BFAR: variants seen among roughly 807,000 people sequenced by gnomAD.
BFAR encodes bifunctional apoptosis regulator, also known as RING finger protein 47.
A neutral mutation model predicts 54.4 loss-of-function variants in BFAR; 52 were observed. The ratio of observed to expected loss-of-function variants is 0.96; its 90% CI spans 0.77 to 1.21. The LOEUF (loss-of-function observed/expected upper bound fraction) is 1.21, where lower values mean the gene tolerates loss of function less well. BFAR is among the 50% of genes most tolerant of loss of function. The pLI, the probability that BFAR is intolerant of heterozygous loss-of-function variation, is 0.00. For missense variants in BFAR, 571 were observed against 534.0 expected, an observed-to-expected ratio of 1.07 and a Z score of -0.68; for synonymous variants, 215 against 204.3, an observed-to-expected ratio of 1.05 and a Z score of -0.45.
chr16:14,641,104 C>G (rs1434258653), intron 1 of BFAR, among the ~76,000 whole-genome samples: 1 of 152,174 alleles, frequency 6.6e-6, no homozygotes, highest in Non-Finnish European at 1.5e-5. Flanking sequence ...CGTTTTTGAA[C>G]TAAGTAATTA....
intron 5 of BFAR, among the ~76,000 whole-genome samples, chr16:14,661,392 C>CTTTTTTTTTTTTTTTTTTTTTT (rs774393097): frequency 3.1e-5 from 2 of 65,076 alleles, no homozygotes; most frequent in Non-Finnish European, 5.8e-5. Context: ...GAGATTGGAT[C>CTTTTTTTTTTTTTTTTTTTTTT]TTTTTTTTTT....
rs964119823 is a variant in BFAR, at chr16:14,668,911, A to G, written c.*1084A>G. 3 of 186,132 alleles carry G rather than the reference A, an allele frequency of 1.6e-5. No homozygotes were observed. The highest frequency in any genetic ancestry group is 3.5e-5 in the Non-Finnish European group (3 of 85,478). 11.5% of individuals were successfully genotyped at this position (186,132 alleles called of 1,614,324 possible). ...GTTCAAGGAAATGTTTTGTAAATTGAGCTCACACTATATAATCTTTATTGT... is the reference window on the plus strand; with the variant it reads ...GTTCAAGGAAATGTTTTGTAAATTGGGCTCACACTATATAATCTTTATTGT... On this transcript the variant is annotated 3_prime_UTR_variant, in exon 8 of 8. Transcript: ENST00000261658.
chr16:14,667,490 G>T, intron 7 of BFAR, 145 bp from the exon 8 acceptor site: 1 of 735,844 alleles, frequency 1.4e-6, no homozygotes, highest in Non-Finnish European at 2.2e-6. Context: ...GTAGGCAGAG[G>T]TCTCAGGCAC....
Position 14,644,356 on chromosome 16 carries a change from C to A in BFAR, c.10C>A (p.Pro4Thr). 1 of 1,613,008 alleles carries A rather than the reference C, an allele frequency of 6.2e-7. No individual in the cohort carries two copies. Among genetic ancestry groups the A allele is most frequent in the Non-Finnish European group, 8.5e-7 (1 of 1,179,364 alleles). The change falls in exon 2 of 8, where the codon CCT becomes ACT. Residue 4 changes from proline (P) to threonine (T), a missense_variant. By Grantham distance (38) the Pro-to-Thr change is conservative (BLOSUM62 -1). Transcript: ENST00000261658. ...CAGAATTTGCTAAGAGATGGAGGAA[C>A]CTCAGAAAAGCTATGTGAACACAAT... is the stretch of plus-strand genomic sequence containing the variant. MEE[P>T]QKSYVNTMDL...
Position 14,648,593 on chromosome 16 carries a change from G to A in BFAR, c.468+1G>A. On this transcript the variant is annotated splice_donor_variant, in intron 3 of 7. Transcript: ENST00000261658. LOFTEE classifies it high-confidence loss of function. ...GCTCACAGCTTTAACTGGAGTGGCAGTAAGTTGATCACTGTGTTCCTCTGT... is the reference window on the plus strand; with the variant it reads ...GCTCACAGCTTTAACTGGAGTGGCAATAAGTTGATCACTGTGTTCCTCTGT... The A allele has an allele frequency of 6.2e-7, 1 of 1,611,738 alleles. No homozygotes were observed. Among genetic ancestry groups the A allele is most frequent in the Admixed American group, 1.7e-5 (1 of 59,954 alleles).
chr16:14,639,068 A>G (rs1959542195), intron 1 of BFAR, among the ~76,000 whole-genome samples: 1 of 152,210 alleles, frequency 6.6e-6, no homozygotes, highest in Non-Finnish European at 1.5e-5. Context: ...TAAAGAAGCA[A>G]ACAGGGTGCC....
intron 2 of BFAR, among the ~76,000 whole-genome samples, chr16:14,646,601 T>C (rs12445930): frequency 0.32 from 48,383 of 151,310 alleles, 8,525 homozygotes; most frequent in Non-Finnish European, 0.38. Context: ...CAGGTTCAAG[T>C]GATTCTCCTG....
chr16:14,655,377 A>C (rs1960101309), intron 5 of BFAR, among the ~76,000 whole-genome samples, 167 bp downstream of exon 5: 1 of 151,500 alleles, frequency 6.6e-6, no homozygotes, highest in South Asian at 2.1e-4. Flanking sequence ...GCTGGAGTGC[A>C]ATGGCGCAAT....
At chr16:14,651,990 G>A (rs1043814334) in intron 4 of BFAR, among the ~76,000 whole-genome samples, 1 of 147,788 alleles carries the variant, frequency 6.8e-6, no homozygotes, top group East Asian at 2.1e-4. Context: ...GGGTTCAAGC[G>A]ATTCTCCTGC....
intron 1 of BFAR, among the ~76,000 whole-genome samples, chr16:14,636,976 G>A (rs565043611): frequency 6.6e-6 from 1 of 152,280 alleles, no homozygotes; most frequent in South Asian, 2.1e-4. Context: ...GGGGTTGGGG[G>A]TAAGGTTATA....
At chr16:14,634,036 G>C (rs1959352966) in intron 1 of BFAR, among the ~76,000 whole-genome samples, 1 of 152,198 alleles carries the variant, frequency 6.6e-6, no homozygotes, top group South Asian at 2.1e-4. Context: ...CCTTTGGAGG[G>C]GCAGGAGGCA....
At chr16:14,635,283 C>CAGT (rs1959397234) in intron 1 of BFAR, among the ~76,000 whole-genome samples, 3 of 152,074 alleles carry the variant, frequency 2.0e-5, no homozygotes, top group Admixed American at 2.0e-4. Flanking sequence ...TGCAGTGAGC[C>CAGT]GAGATTGTGC....
In BFAR at chr16:14,644,310, A is replaced by ATTT. The variant is rs1230876880; in HGVS notation, c.-33_-31dup. On this transcript the variant is annotated 5_prime_UTR_variant, in exon 2 of 8. Transcript: ENST00000261658. ...TTTGCAGCAGTTTTCTACGTCTGAAATTTTTTATGTCTCTGGAACCCAGAA... is the reference window on the plus strand; with the variant it reads ...TTTGCAGCAGTTTTCTACGTCTGAAATTTTTTTTTATGTCTCTGGAACCCAGAA... The ATTT allele has an allele frequency of 1.3e-6, 2 of 1,581,302 alleles. No homozygotes were observed. The highest frequency in any genetic ancestry group is 1.7e-4 in the Middle Eastern group (1 of 5,912).
chr16:14,648,418 C>T lies in BFAR; in HGVS notation c.294C>T (p.Ala98=), dbSNP rs755593131. The T allele has an allele frequency of 2.2e-5, 36 of 1,613,384 alleles. No homozygotes were observed. Among genetic ancestry groups the T allele is most frequent in the Non-Finnish European group, 3.0e-5 (35 of 1,179,536 alleles). ...RDAIEKLFPD[A]IRLRFEDIQQ... ...CCATTGAAAAGTTATTTCCTGATGC[C>T]ATTAGACTGAGATTTGAAGACATTC... The change falls in exon 3 of 8, where the codon GCC becomes GCT. Residue 98 remains alanine (A), a synonymous_variant. Transcript: ENST00000261658.
intron 3 of BFAR, 78 bp downstream of exon 3, chr16:14,648,670 G>C: frequency 9.4e-7 from 1 of 1,059,302 alleles, no homozygotes; most frequent in African/African-American, 1.7e-5. Flanking sequence ...AGTCAGTTCT[G>C]TTGAAATCAC....
At chr16:14,650,112 A>T in intron 4 of BFAR, 139 bp downstream of exon 4, 1 of 801,750 alleles carries the variant, frequency 1.2e-6, no homozygotes, top group Non-Finnish European at 1.8e-6. Flanking sequence ...ATTTGAGGTC[A>T]GGAGTTCCAG....
intron 6 of BFAR, 89 bp from the exon 7 acceptor site, chr16:14,664,780 G>A: frequency 1.6e-6 from 2 of 1,283,058 alleles, no homozygotes; most frequent in Non-Finnish European, 2.2e-6. Flanking sequence ...GATTACAGGT[G>A]TGAGCCACCG....
Position 14,649,883 on chromosome 16 carries a change from C to T in BFAR, c.548C>T (p.Thr183Met), listed in dbSNP as rs201159611. The T allele has an allele frequency of 1.8e-5, 29 of 1,613,218 alleles. No individual in the cohort carries two copies. The East Asian group carries it at 2.0e-4, about 11-fold the overall frequency. Reference protein sequence around the residue: ...LLVHKAVAKWTAEEVVLWLEQ... With the variant: ...LLVHKAVAKWMAEEVVLWLEQ... Reference sequence around the variant, plus strand: ...GTCCACAAGGCTGTGGCCAAATGGACGGCGGAAGAAGTTGTCCTCTGGCTG... The same window carrying T: ...GTCCACAAGGCTGTGGCCAAATGGATGGCGGAAGAAGTTGTCCTCTGGCTG... Residue 183 changes from threonine to methionine, a missense_variant, in exon 4 of 8, where the codon ACG becomes ATG. By Grantham distance (81) the Thr-to-Met change is moderately conservative. Transcript: ENST00000261658.
chr16:14,664,757 C>G, intron 6 of BFAR, 112 bp from the exon 7 acceptor site: 1 of 1,037,614 alleles, frequency 9.6e-7, no homozygotes, highest in South Asian at 1.4e-5. Context: ...ACCTAGGCCT[C>G]CCAAAGTGGT....
Sources: allele counts gnomAD v4.1 joint callset (sites outside exome capture counted in the v4.1 genomes callset), GRCh38; gene constraint gnomAD v4.1.1; transcripts MANE v1.5; gene names NCBI Gene and HGNC (gene_info 2026-07-23, HGNC 2026-07-21).